The following NAALADL2 variants were observed in gnomAD, a reference collection of about 807,000 sequenced individuals.
NAALADL2 encodes N-acetylated alpha-linked acidic dipeptidase like 2, also known as inactive N-acetylated-alpha-linked acidic dipeptidase-like protein 2.
NAALADL2 carries 76 observed loss-of-function variants against 87.2 expected under a neutral mutation model. That is an observed-to-expected ratio of 0.87 (90% CI 0.72 to 1.05). The LOEUF is 1.05. NAALADL2 is among the 50% of genes least tolerant of loss of function. NAALADL2 has a pLI of 0.00. For missense variants in NAALADL2, 1,089 were observed against 945.8 expected (o/e 1.15, Z -1.99); for synonymous variants, 354 against 331.0 (o/e 1.07, Z -0.75).
intron 2 of NAALADL2, among the ~76,000 whole-genome samples, chr3:175,101,166 G>A (rs143175722): frequency 1.5e-4 from 23 of 152,318 alleles, no homozygotes; most frequent in Non-Finnish European, 2.8e-4. Flanking sequence ...GCATTGAAGT[G>A]TTGATCACCA....
At chr3:175,287,761 A>G (rs1407530846) in intron 4 of NAALADL2, among the ~76,000 whole-genome samples, 1 of 152,200 alleles carries the variant, frequency 6.6e-6, no homozygotes. Flanking sequence ...AATGGAATGG[A>G]TACATTTGCC....
At chr3:174,625,105 C>T (rs1721436036) in intron 2 of NAALADL2, among the ~76,000 whole-genome samples, 1 of 132,168 alleles carries the variant, frequency 7.6e-6, no homozygotes, top group African/African-American at 2.9e-5. Context: ...GTCACCTGGG[C>T]TAGAGGGCAG....
At chr3:175,446,416 A>G (rs1581922871) in intron 5 of NAALADL2, among the ~76,000 whole-genome samples, 3 of 152,076 alleles carry the variant, frequency 2.0e-5, no homozygotes. Flanking sequence ...TAATTTTTAT[A>G]CTTTTATTAT....
At chr3:175,421,896 C>G (rs1285169117) in intron 5 of NAALADL2, among the ~76,000 whole-genome samples, 1 of 151,960 alleles carries the variant, frequency 6.6e-6, no homozygotes, top group Non-Finnish European at 1.5e-5. Context: ...ACATTTGAAG[C>G]AAAGTATAGG....
chr3:175,159,356 G>C (rs761516419), intron 2 of NAALADL2, among the ~76,000 whole-genome samples: 8 of 152,162 alleles, frequency 5.3e-5, no homozygotes, highest in Non-Finnish European at 8.8e-5. Context: ...GCTGATTTGA[G>C]TAGTGTGTGT....
At chr3:175,343,216 T>G (rs1028271963) in intron 5 of NAALADL2, among the ~76,000 whole-genome samples, 4 of 152,036 alleles carry the variant, frequency 2.6e-5, no homozygotes, top group Non-Finnish European at 5.9e-5. Flanking sequence ...TACAATACAT[T>G]GCCTGGTAAT....
At position 175,809,440 on chromosome 3, in the gene NAALADL2, T is replaced by C. The variant is rs570266364; in HGVS notation, c.*6237T>C. The C allele has an allele frequency of 6.8e-5, 9 of 132,384 alleles. No homozygotes were observed. The Admixed American group carries it at 7.7e-4, about 11-fold the overall frequency. The allele number at this position is 132,384 out of a possible 1,614,324, so 8.2% of individuals were successfully genotyped here. ...AAGAAAAACCCTTTCTAGAACACTG[T>C]GCAGGACTAATTTTTTTTTAATAGA... On this transcript the variant is annotated 3_prime_UTR_variant, in exon 14 of 14. Coordinates refer to ENST00000454872, the MANE Select transcript of NAALADL2 (RefSeq NM_207015.3).
chr3:175,367,557 C>T (rs1057415753), intron 5 of NAALADL2, among the ~76,000 whole-genome samples: 7 of 152,084 alleles, frequency 4.6e-5, no homozygotes, highest in Non-Finnish European at 1.0e-4. Flanking sequence ...TGTAGTTCTC[C>T]TTGAAGAGGT....
At chr3:174,693,436 T>C (rs186349091) in intron 2 of NAALADL2, among the ~76,000 whole-genome samples, 1 of 152,170 alleles carries the variant, frequency 6.6e-6, no homozygotes, top group East Asian at 1.9e-4. Context: ...TCTTTTGGTC[T>C]TTATTTTACT....
At chr3:175,026,366 G>T (rs1224346285) in intron 1 of NAALADL2, among the ~76,000 whole-genome samples, 1 of 151,630 alleles carries the variant, frequency 6.6e-6, no homozygotes, top group Non-Finnish European at 1.5e-5. Flanking sequence ...AAAAGTTCAG[G>T]CTGGGCATGG....
intron 13 of NAALADL2, among the ~76,000 whole-genome samples, chr3:175,794,251 T>G (rs1753177796): frequency 6.6e-6 from 1 of 152,142 alleles, no homozygotes; most frequent in Non-Finnish European, 1.5e-5. Context: ...TACTAAGAGA[T>G]AATGAGTTCC....
At chr3:174,830,699 G>A (rs1225450630) in intron 3 of NAALADL2, among the ~76,000 whole-genome samples, 2 of 152,130 alleles carry the variant, frequency 1.3e-5, no homozygotes, top group East Asian at 1.9e-4. Flanking sequence ...ACCTTGGGCA[G>A]TATGGCCATT....
chr3:175,053,548 G>A (rs777274253), intron 1 of NAALADL2, among the ~76,000 whole-genome samples: 7 of 152,218 alleles, frequency 4.6e-5, no homozygotes, highest in African/African-American at 1.2e-4. Context: ...GGTTTCAGGT[G>A]TCTTGACAGT....
intron 2 of NAALADL2, among the ~76,000 whole-genome samples, chr3:174,607,886 C>A (rs1013493277): frequency 6.6e-5 from 10 of 151,928 alleles, no homozygotes; most frequent in African/African-American, 2.2e-4. Context: ...CCACACCACA[C>A]CTATTCCAAA....
chr3:174,537,839 T>C lies in NAALADL2; in HGVS notation c.-183-12730T>C, dbSNP rs114690369. Among the ~76,000 whole-genome samples the C allele has an allele frequency of 7.1e-3, 1,078 of 152,282 alleles. 13 individuals carry two copies. Among genetic ancestry groups the C allele is most frequent in the African/African-American group, 0.025 (1,034 of 41,554 alleles). ...CATATAATATTGTACAAAGTCAGGCTGGTGATATTCTCACAGAGCCATCTG... is the reference window on the plus strand; with the variant it reads ...CATATAATATTGTACAAAGTCAGGCCGGTGATATTCTCACAGAGCCATCTG... On this transcript the variant is annotated intron_variant, in intron 1 of 3. Transcript: ENST00000434257.
chr3:175,469,811 A>G (rs1724605004), intron 8 of NAALADL2, among the ~76,000 whole-genome samples: 1 of 152,048 alleles, frequency 6.6e-6, no homozygotes, highest in Non-Finnish European at 1.5e-5. Flanking sequence ...GGGTCTCATG[A>G]GAATTATATA....
At chr3:175,168,144 C>T (rs13082133) in intron 2 of NAALADL2, among the ~76,000 whole-genome samples, 46,007 of 151,538 alleles carry the variant, frequency 0.3, 7,211 homozygotes, top group South Asian at 0.36. Flanking sequence ...TGAGAAACCA[C>T]AGATATGTAA....
chr3:175,266,451 C>T (rs1160710201), intron 4 of NAALADL2, among the ~76,000 whole-genome samples: 1 of 151,396 alleles, frequency 6.6e-6, no homozygotes, highest in Non-Finnish European at 1.5e-5. Context: ...TAAGGAAGAA[C>T]CACCAGAAAA....
rs545642957 is a variant in NAALADL2 at position 175,492,061 on chromosome 3, A to T, written c.1653+20303A>T. Among the ~76,000 whole-genome samples the T allele has an allele frequency of 7.2e-5, 11 of 152,366 alleles. No homozygotes were observed. In the East Asian group the frequency reaches 2.1e-3, roughly 29 times the overall value. On this transcript the variant is annotated intron_variant, in intron 9 of 13. Coordinates refer to ENST00000454872, the MANE Select transcript of NAALADL2 (RefSeq NM_207015.3). The stretch of plus-strand genomic sequence containing the variant: ...CTGTAGCAGTTACAAAAGTACAAAT[A>T]TCAGACTTACAAATTGTTCAATACA...
Sources: gnomAD v4.1 joint callset for allele counts (sites outside exome capture counted in the v4.1 genomes callset) on GRCh38, gnomAD v4.1.1 for gene constraint, MANE v1.5 for transcripts, NCBI Gene and HGNC (gene_info 2026-07-23, HGNC 2026-07-21) for gene names.